Variants in PAK5 observed in about 807,000 individuals in gnomAD.
PAK5 encodes the protein p21 (RAC1) activated kinase 5.
A neutral mutation model predicts 65.9 loss-of-function variants in PAK5; 16 were observed. The observed-to-expected ratio is 0.24, with a 90% CI of 0.16 to 0.37. The LOEUF (loss-of-function observed/expected upper bound fraction) is 0.37, where lower values mean the gene tolerates loss of function less well. Ranked by LOEUF, PAK5 falls within the 10% of genes least tolerant of loss-of-function variation. PAK5 has a pLI of 1.00. For synonymous variants in PAK5, 371 were observed against 354.9 expected (o/e 1.05, Z -0.51); for missense variants, 785 against 903.9 (o/e 0.87, Z 1.69).
intron 5 of PAK5, among the ~76,000 whole-genome samples, chr20:9,565,470 T>C (rs959333168): frequency 6.6e-6 from 1 of 152,208 alleles, no homozygotes; most frequent in African/African-American, 2.4e-5. Flanking sequence ...GATATCATAG[T>C]AGTGTAAAAT....
chr20:9,604,875 G>A (rs1342583939), intron 3 of PAK5, among the ~76,000 whole-genome samples: 3 of 152,176 alleles, frequency 2.0e-5, no homozygotes, highest in African/African-American at 7.2e-5. Context: ...CCTCACTGGG[G>A]CGTTATCTGG....
intron 1 of PAK5, among the ~76,000 whole-genome samples, chr20:9,774,041 A>G (rs977844709): frequency 6.6e-6 from 1 of 152,138 alleles, no homozygotes; most frequent in African/African-American, 2.4e-5. Context: ...GAGATCCACA[A>G]AGCAAAGCAG....
At chr20:9,606,036 G>C (rs150758414) in intron 3 of PAK5, among the ~76,000 whole-genome samples, 7 of 152,266 alleles carry the variant, frequency 4.6e-5, no homozygotes, top group Non-Finnish European at 1.0e-4. Flanking sequence ...GATATGATTT[G>C]GATCTGTGTC....
chr20:9,835,053 T>C (rs1391134018), intron 1 of PAK5, among the ~76,000 whole-genome samples: 1 of 152,166 alleles, frequency 6.6e-6, no homozygotes, highest in Non-Finnish European at 1.5e-5. Context: ...TACTCTCCTT[T>C]TGAAGTCAGA....
At chr20:9,798,285 G>A (rs1230940255) in intron 1 of PAK5, among the ~76,000 whole-genome samples, 4 of 152,136 alleles carry the variant, frequency 2.6e-5, no homozygotes, top group Non-Finnish European at 5.9e-5. Flanking sequence ...TGCTACGTGT[G>A]TAATGTAAAG....
chr20:9,785,950 G>C (rs112844142), intron 1 of PAK5, among the ~76,000 whole-genome samples: 1 of 151,986 alleles, frequency 6.6e-6, no homozygotes, highest in African/African-American at 2.4e-5. Flanking sequence ...CTGCCTATCA[G>C]TCAGACACCC....
At chr20:9,746,368 C>G (rs1418058827) in intron 1 of PAK5, among the ~76,000 whole-genome samples, 1 of 152,120 alleles carries the variant, frequency 6.6e-6, no homozygotes, top group East Asian at 1.9e-4. Flanking sequence ...CGAGCTGAAC[C>G]AGAAAAGCCA....
At chr20:9,583,375 G>A (rs2046013604) in intron 3 of PAK5, among the ~76,000 whole-genome samples, 1 of 152,220 alleles carries the variant, frequency 6.6e-6, no homozygotes, top group Non-Finnish European at 1.5e-5. Context: ...CTGTTCAGCA[G>A]TTTCAGATTA....
chr20:9,539,201 T>C lies in PAK5; in HGVS notation c.*261A>G. The C allele has an allele frequency of 2.7e-6, 1 of 374,078 alleles. No homozygotes were observed. Among genetic ancestry groups the C allele is most frequent in the South Asian group, 6.0e-5 (1 of 16,742 alleles). The allele number at this position is 374,078 out of a possible 1,614,324, so 23.2% of individuals were successfully genotyped here. ...GGAGTTTGTACTGAGTCCTTCTGAT[T>C]TGCTGGATGAAGGGCTGAAAAATAT... On this transcript the variant is annotated 3_prime_UTR_variant, in exon 10 of 10. Transcript: ENST00000353224.
chr20:9,605,598 C>T (rs1366258442), intron 3 of PAK5, among the ~76,000 whole-genome samples: 3 of 152,180 alleles, frequency 2.0e-5, no homozygotes, highest in Non-Finnish European at 4.4e-5. Flanking sequence ...GTCAGGTATA[C>T]AGTGGACAAC....
chr20:9,659,271 A>T (rs1689407349), intron 2 of PAK5, among the ~76,000 whole-genome samples: 1 of 152,204 alleles, frequency 6.6e-6, no homozygotes, highest in Non-Finnish European at 1.5e-5. Context: ...AAACTGATGC[A>T]TAGGAATTTC....
intron 1 of PAK5, among the ~76,000 whole-genome samples, chr20:9,776,898 A>G (rs2048892922): frequency 6.6e-6 from 1 of 152,218 alleles, no homozygotes; most frequent in African/African-American, 2.4e-5. Flanking sequence ...TTTTGAGGCC[A>G]AGAAACATGG....
intron 2 of PAK5, among the ~76,000 whole-genome samples, chr20:9,650,960 A>G (rs976445479): frequency 6.6e-6 from 1 of 152,234 alleles, no homozygotes; most frequent in Non-Finnish European, 1.5e-5. Flanking sequence ...GAGGTGTTCA[A>G]AAAAGCAAGA....
At chr20:9,743,434 A>AAACG (rs2048472683) in intron 1 of PAK5, among the ~76,000 whole-genome samples, 1 of 151,936 alleles carries the variant, frequency 6.6e-6, no homozygotes, top group Non-Finnish European at 1.5e-5. Flanking sequence ...ACAAACAAAC[A>AAACG]AACAAAAACA....
intron 7 of PAK5, among the ~76,000 whole-genome samples, chr20:9,546,762 C>T (rs1020899637): frequency 6.6e-6 from 1 of 152,130 alleles, no homozygotes; most frequent in Non-Finnish European, 1.5e-5. Context: ...GAGGGCATCC[C>T]TAGTAGCCTC....
chr20:9,695,933 A>G (rs910297479), intron 2 of PAK5, among the ~76,000 whole-genome samples: 2 of 152,090 alleles, frequency 1.3e-5, no homozygotes, highest in Admixed American at 6.6e-5. Flanking sequence ...TGAGTCATAC[A>G]TGTTAACTTT....
chr20:9,733,419 TC>T (rs1813384543), intron 1 of PAK5, among the ~76,000 whole-genome samples: 1 of 151,154 alleles, frequency 6.6e-6, no homozygotes, highest in Non-Finnish European at 1.5e-5. Context: ...CTTTCTTTCT[TC>T]TCTCTCTCTT....
chr20:9,831,813 CA>C (rs1463337438), intron 1 of PAK5, among the ~76,000 whole-genome samples: 1 of 152,130 alleles, frequency 6.6e-6, no homozygotes, highest in African/African-American at 2.4e-5. Context: ...CGGCCTACTA[CA>C]TTTTTTAAAA....
At chr20:9,788,464 T>A (rs1220537389) in intron 1 of PAK5, among the ~76,000 whole-genome samples, 1 of 152,094 alleles carries the variant, frequency 6.6e-6, no homozygotes, top group Non-Finnish European at 1.5e-5. Context: ...TTCAACTGTA[T>A]TAAATTCCAA....
Sources: allele counts gnomAD v4.1 joint callset (sites outside exome capture counted in the v4.1 genomes callset), GRCh38; gene constraint gnomAD v4.1.1; transcripts MANE v1.5; gene names NCBI Gene and HGNC (gene_info 2026-07-23, HGNC 2026-07-21).